Variants in ATP10A observed in about 807,000 individuals in gnomAD.
ATP10A encodes the protein phospholipid-transporting ATPase VA.
ATP10A carries 111 observed loss-of-function variants against 147.8 expected under a neutral mutation model. The ratio of observed to expected loss-of-function variants is 0.75; its 90% CI spans 0.64 to 0.88. ATP10A has a LOEUF of 0.88. ATP10A is among the 40% of genes least tolerant of loss of function. The probability of loss-of-function intolerance (pLI) is 0.00; values close to 1 mark genes in which losing one functional copy is unlikely to be tolerated. For missense variants in ATP10A, 1,927 were observed against 1,959.0 expected (o/e 0.98, Z 0.31); for synonymous variants, 875 against 841.6 (o/e 1.04, Z -0.69).
intron 1 of ATP10A, among the ~76,000 whole-genome samples, chr15:25,820,668 A>G (rs961079815): frequency 2.0e-5 from 3 of 152,222 alleles, no homozygotes; most frequent in Non-Finnish European, 4.4e-5. Flanking sequence ...AAAAGAGTAC[A>G]ATAAAGGTCG....
rs190740618 is a variant in ATP10A at position 25,835,971 on chromosome 15, G to C, written c.449+26677C>G. 7.8e-3 allele frequency among the ~76,000 whole-genome samples: 1,182 copies of C among 152,232 alleles called. 14 individuals carry two copies. Among genetic ancestry groups the C allele is most frequent in the African/African-American group, 0.026 (1,064 of 41,524 alleles). On this transcript the variant is annotated intron_variant, in intron 1 of 20. Transcript: ENST00000555815. ...TGGGACCACAGGTGCCTGCCACCACGGCCGGCTAATTTTGTGTATTTTTAG... is the reference window on the plus strand; with the variant it reads ...TGGGACCACAGGTGCCTGCCACCACCGCCGGCTAATTTTGTGTATTTTTAG...
chr15:25,713,531 G>T (rs1485355474), intron 10 of ATP10A, 143 bp downstream of exon 10: 27 of 917,094 alleles, frequency 2.9e-5, no homozygotes, highest in Non-Finnish European at 4.2e-5. Flanking sequence ...CTGATCTGAA[G>T]AAACCATGCA....
At chr15:25,795,166 C>A (rs1049966658) in intron 1 of ATP10A, among the ~76,000 whole-genome samples, 3 of 152,126 alleles carry the variant, frequency 2.0e-5, no homozygotes, top group African/African-American at 4.8e-5. Flanking sequence ...TATGTGACCG[C>A]GCAAGCATAC....
intron 1 of ATP10A, among the ~76,000 whole-genome samples, chr15:25,790,051 A>C (rs998135142): frequency 6.6e-6 from 1 of 152,230 alleles, no homozygotes; most frequent in African/African-American, 2.4e-5. Context: ...CTCAGCACTG[A>C]AACAGCAATG....
intron 1 of ATP10A, among the ~76,000 whole-genome samples, chr15:25,798,474 A>C (rs1191767961): frequency 6.6e-6 from 1 of 152,176 alleles, no homozygotes; most frequent in Non-Finnish European, 1.5e-5. Context: ...TCCATTTGTC[A>C]TAGATAAGGG....
intron 1 of ATP10A, among the ~76,000 whole-genome samples, chr15:25,795,051 C>A (rs1193870550): frequency 6.6e-6 from 1 of 152,218 alleles, no homozygotes; most frequent in African/African-American, 2.4e-5. Flanking sequence ...GAGAAATGGG[C>A]ATTGCTAAAT....
chr15:25,673,894 C>A (rs566101301), downstream of ATP10A, among the ~76,000 whole-genome samples: 1 of 152,266 alleles, frequency 6.6e-6, no homozygotes. Flanking sequence ...AGCTGTCCTG[C>A]GTGTGCAGGT....
At chr15:25,758,790 G>C (rs76031539) in intron 2 of ATP10A, among the ~76,000 whole-genome samples, 3 of 115,246 alleles carry the variant, frequency 2.6e-5, no homozygotes, top group East Asian at 2.9e-4. Context: ...AACTCATTCC[G>C]ACCACCTGCT....
chr15:25,841,279 GTTT>G lies in ATP10A; in HGVS notation c.449+21366_449+21368del, dbSNP rs59687038. Among the ~76,000 whole-genome samples, 237 of 145,608 alleles carry G rather than the reference GTTT, an allele frequency of 1.6e-3. 1 individual carries two copies. The highest frequency in any genetic ancestry group is 3.5e-3 in the Middle Eastern group (1 of 286). ...TTATATGAGGTATGTGAGGTTTAGG[GTTT>G]TTTTTTTTTTCTAATGGATGTCTAA... is the stretch of plus-strand genomic sequence containing the variant. On this transcript the variant is annotated intron_variant, in intron 1 of 20. Transcript: ENST00000555815.
chr15:25,711,378 T>C (rs1901407479), intron 10 of ATP10A, among the ~76,000 whole-genome samples: 1 of 151,832 alleles, frequency 6.6e-6, no homozygotes, highest in Non-Finnish European at 1.5e-5. Flanking sequence ...CTGCAATGAG[T>C]CTGCACCTAT....
At chr15:25,755,540 G>A (rs1007699285) in intron 2 of ATP10A, among the ~76,000 whole-genome samples, 7 of 152,160 alleles carry the variant, frequency 4.6e-5, no homozygotes, top group Admixed American at 3.3e-4. Flanking sequence ...AGGTGACTCC[G>A]AAAACAACAG....
intron 3 of ATP10A, among the ~76,000 whole-genome samples, chr15:25,730,261 C>T (rs1017853264): frequency 4.7e-5 from 7 of 150,520 alleles, no homozygotes; most frequent in African/African-American, 1.7e-4. Context: ...AAGATCGCGC[C>T]ACTGCACTAC....
intron 12 of ATP10A, among the ~76,000 whole-genome samples, chr15:25,703,047 A>G (rs1452844131): frequency 2.0e-5 from 3 of 152,116 alleles, no homozygotes; most frequent in African/African-American, 7.2e-5. Context: ...CCTCGATGGG[A>G]TCAGTGTCCT....
At chr15:25,718,884 C>T (rs1902025903) in intron 7 of ATP10A, among the ~76,000 whole-genome samples, 1 of 152,106 alleles carries the variant, frequency 6.6e-6, no homozygotes. Context: ...CACAGGGGGG[C>T]TCACACTCCC....
At chr15:25,691,682 T>C (rs750391052) in intron 15 of ATP10A, 33 bp downstream of exon 15, 28 of 1,611,560 alleles carry the variant, frequency 1.7e-5, no homozygotes, top group African/African-American at 5.3e-5. Flanking sequence ...GTAGGGCCAA[T>C]TGGTCACACA....
At chr15:25,727,995 G>A (rs775011415) in intron 3 of ATP10A, among the ~76,000 whole-genome samples, 11 of 152,162 alleles carry the variant, frequency 7.2e-5, no homozygotes, top group South Asian at 2.1e-4. Flanking sequence ...CCTCATAACC[G>A]GAACTGTAGC....
chr15:25,675,904 C>A (rs560558543), downstream of ATP10A, among the ~76,000 whole-genome samples: 2 of 151,932 alleles, frequency 1.3e-5, no homozygotes, highest in East Asian at 1.9e-4. Context: ...TGTGATCACA[C>A]CCCTGCACTC....
intron 5 of ATP10A, among the ~76,000 whole-genome samples, chr15:25,725,622 A>T (rs886544879): frequency 6.8e-6 from 1 of 146,838 alleles, no homozygotes; most frequent in African/African-American, 2.5e-5. Flanking sequence ...CCTGGAGCCC[A>T]CTCATTTCTT....
At chr15:25,800,457 C>T (rs1469880381) in intron 1 of ATP10A, among the ~76,000 whole-genome samples, 2 of 152,164 alleles carry the variant, frequency 1.3e-5, no homozygotes, top group African/African-American at 2.4e-5. Flanking sequence ...CCTCTCCTCT[C>T]CTGCCTGAGT....
Sources: gnomAD v4.1 joint callset for allele counts (sites outside exome capture counted in the v4.1 genomes callset) on GRCh38, gnomAD v4.1.1 for gene constraint, MANE v1.5 for transcripts, NCBI Gene and HGNC (gene_info 2026-07-23, HGNC 2026-07-21) for gene names.